The following BCAS3 variants were observed in gnomAD, a reference collection of about 807,000 sequenced individuals.
BCAS3 encodes the protein BCAS4/BCAS3 fusion.
Under a neutral mutation model 116.1 loss-of-function variants are expected in BCAS3, and 53 were observed. That is an observed-to-expected ratio of 0.46 (90% CI 0.37 to 0.57). BCAS3 has a LOEUF of 0.57. Ranked by LOEUF, BCAS3 falls within the 20% of genes least tolerant of loss-of-function variation. The pLI, the probability that BCAS3 is intolerant of heterozygous loss-of-function variation, is 0.00. For missense variants in BCAS3, 917 were observed against 1,165.4 expected (o/e 0.79, Z 3.10); for synonymous variants, 391 against 408.2 (o/e 0.96, Z 0.51).
intron 12 of BCAS3, among the ~76,000 whole-genome samples, chr17:60,923,049 A>G (rs2059187074): frequency 6.6e-6 from 1 of 152,244 alleles, no homozygotes; most frequent in Admixed American, 6.5e-5. Context: ...GGAGCAAATT[A>G]TAACCAATGC....
In BCAS3 at chr17:61,073,947, A is replaced by G. The variant is rs544690749; in HGVS notation, c.2030-973A>G. 1.3e-5 allele frequency among the ~76,000 whole-genome samples: 2 copies of G among 152,160 alleles called. No individual in the cohort carries two copies. Among genetic ancestry groups the G allele is most frequent in the East Asian group, 3.9e-4 (2 of 5,172 alleles). ...AACATTGTGAGATCCTGTCTCTACA[A>G]GGAAGAAAATATTGGGCAGGCATTG... On this transcript the variant is annotated intron_variant, in intron 19 of 23. Transcript: ENST00000407086. The surrounding 1 kb of genome is among the most constrained non-coding windows in gnomAD (Gnocchi z 4.6).
rs1007568099 is a variant in BCAS3, at chr17:60,964,490, GTTTTC to G, written c.1221+17146_1221+17150del. ...TGTTCATCACGGATATTGGCCTGTA[GTTTTC>G]TTTTCTTGTTGTCGTGTCCTTATCT... On this transcript the variant is annotated intron_variant, in intron 14 of 23. Coordinates refer to ENST00000407086, the MANE Select transcript of BCAS3 (RefSeq NM_017679.5). This position sits in a 1 kb window ranked among gnomAD's most constrained non-coding sequence, Gnocchi z 4.6. Among the ~76,000 whole-genome samples, 1 of 152,096 alleles carries G rather than the reference GTTTTC, an allele frequency of 6.6e-6. No homozygotes were observed. Among genetic ancestry groups the G allele is most frequent in the Non-Finnish European group, 1.5e-5 (1 of 68,010 alleles).
chr17:61,306,320 T>A (rs954378460), intron 22 of BCAS3, among the ~76,000 whole-genome samples: 3 of 152,230 alleles, frequency 2.0e-5, no homozygotes, highest in African/African-American at 7.2e-5. Context: ...ACTTTGGTAC[T>A]ATAATGGTGA....
chr17:60,908,325 A>G (rs1717687522), intron 11 of BCAS3, among the ~76,000 whole-genome samples: 1 of 152,178 alleles, frequency 6.6e-6, no homozygotes, highest in Admixed American at 6.5e-5. Flanking sequence ...TATGTGCTCC[A>G]GTTCTTTTAG....
chr17:60,919,351 T>C (rs1456127005), intron 12 of BCAS3, among the ~76,000 whole-genome samples: 1 of 152,120 alleles, frequency 6.6e-6, no homozygotes, highest in Non-Finnish European at 1.5e-5. Context: ...TGAGACGAAG[T>C]CTCGGTCTGT....
intron 10 of BCAS3, among the ~76,000 whole-genome samples, chr17:60,892,032 T>C (rs192583340): frequency 6.6e-6 from 1 of 152,362 alleles, no homozygotes; most frequent in African/African-American, 2.4e-5. Context: ...CCATATTTTC[T>C]TTATTCAAAT....
intron 22 of BCAS3, among the ~76,000 whole-genome samples, chr17:61,238,460 A>G (rs1448641313): frequency 1.3e-5 from 2 of 151,968 alleles, no homozygotes; most frequent in Non-Finnish European, 2.9e-5. Context: ...TGACCTCGTG[A>G]TCCACCCGCC....
At chr17:61,170,039 G>A (rs1437361001) in intron 22 of BCAS3, among the ~76,000 whole-genome samples, 2 of 151,726 alleles carry the variant, frequency 1.3e-5, no homozygotes, top group Non-Finnish European at 2.9e-5. Flanking sequence ...ATTTTGAGTA[G>A]AGACGGGGTT....
chr17:60,944,855 G>A (rs1224958517), intron 13 of BCAS3, among the ~76,000 whole-genome samples: 4 of 152,076 alleles, frequency 2.6e-5, no homozygotes, highest in Middle Eastern at 3.4e-3. Flanking sequence ...CATATTTTAC[G>A]AAGGACTTTT....
chr17:60,799,429 C>T (rs1477911471), intron 6 of BCAS3, among the ~76,000 whole-genome samples: 1 of 151,964 alleles, frequency 6.6e-6, no homozygotes, highest in Admixed American at 6.6e-5. Flanking sequence ...ACATCCCCAG[C>T]CCTTGAGAAC....
chr17:61,381,467 C>T lies in BCAS3; in HGVS notation c.2594-10510C>T, dbSNP rs535977502. ...GTGGGCTTGAGACACAGGCTGGGAC[C>T]CCAAAGAGGGCAACAGAGGCCGTGC... On this transcript the variant is annotated intron_variant, in intron 23 of 23. Transcript: ENST00000407086. This position sits in a 1 kb window ranked among gnomAD's most constrained non-coding sequence, Gnocchi z 6.0. Among the ~76,000 whole-genome samples the T allele has an allele frequency of 2.5e-4, 38 of 152,064 alleles. No homozygotes were observed. Among genetic ancestry groups the T allele is most frequent in the Non-Finnish European group, 3.8e-4 (26 of 68,004 alleles).
chr17:60,899,996 G>C (rs2057773230), intron 10 of BCAS3: 3 of 152,304 alleles, frequency 2.0e-5, no homozygotes. Context: ...ATGCCAATCA[G>C]GTGTCTGCAC....
intron 22 of BCAS3, among the ~76,000 whole-genome samples, chr17:61,110,538 C>T (rs2074997485): frequency 6.6e-6 from 1 of 151,682 alleles, no homozygotes; most frequent in African/African-American, 2.4e-5. Context: ...TTCGGACCGG[C>T]TTAAAAAACG....
At chr17:60,862,688 G>T (rs1348869696) in intron 7 of BCAS3, among the ~76,000 whole-genome samples, 1 of 152,152 alleles carries the variant, frequency 6.6e-6, no homozygotes, top group Non-Finnish European at 1.5e-5. Flanking sequence ...GTGTCACTCT[G>T]TTGCCCACAC....
In BCAS3 at chr17:60,815,156, A is replaced by C. The variant is rs868366055; in HGVS notation, c.476+7080A>C. 2.6e-5 allele frequency among the ~76,000 whole-genome samples: 4 copies of C among 152,342 alleles called. No individual in the cohort carries two copies. The South Asian group carries it at 8.3e-4, about 32-fold the overall frequency. ...CATGTCCTTTGTAGGGACATGGATG[A>C]AGCTGGAAACCATCATTCTCAGCAA... On this transcript the variant is annotated intron_variant, in intron 7 of 23. Transcript: ENST00000407086.
At chr17:60,918,476 A>G (rs1320232165) in intron 12 of BCAS3, among the ~76,000 whole-genome samples, 1 of 152,192 alleles carries the variant, frequency 6.6e-6, no homozygotes, top group Non-Finnish European at 1.5e-5. Flanking sequence ...CTGTTTTTAA[A>G]TGTACCAGGT....
intron 7 of BCAS3, chr17:60,811,521 A>T (rs2048819288): frequency 1.2e-4 from 19 of 163,136 alleles, no homozygotes; most frequent in African/African-American, 3.3e-4. Flanking sequence ...GTTCAGAGGT[A>T]AAAAAAAAAA....
intron 18 of BCAS3, among the ~76,000 whole-genome samples, chr17:61,039,193 A>G (rs1470020684): frequency 6.6e-6 from 1 of 152,212 alleles, no homozygotes; most frequent in African/African-American, 2.4e-5. Flanking sequence ...AAGTGGAATC[A>G]TATAATATGT....
chr17:61,115,887 T>C (rs2075401192), intron 22 of BCAS3, among the ~76,000 whole-genome samples: 1 of 151,714 alleles, frequency 6.6e-6, no homozygotes, highest in South Asian at 2.1e-4. Context: ...GTGGCACATA[T>C]ACACCATGGA....
Sources: gnomAD v4.1 joint callset for allele counts (sites outside exome capture counted in the v4.1 genomes callset) on GRCh38, gnomAD v4.1.1 for gene constraint, Gnocchi (gnomAD v3.1) non-coding constraint, MANE v1.5 for transcripts, NCBI Gene and HGNC (gene_info 2026-07-23, HGNC 2026-07-21) for gene names.